WASL: variants seen among roughly 807,000 people sequenced by gnomAD.
WASL encodes WASP like actin nucleation promoting factor, also known as actin nucleation-promoting factor WASL.
Under a neutral mutation model 55.5 loss-of-function variants are expected in WASL, and 20 were observed. The ratio of observed to expected loss-of-function variants is 0.36; its 90% CI spans 0.25 to 0.52. The LOEUF is 0.52. Ranked by LOEUF, WASL falls within the 20% of genes least tolerant of loss-of-function variation. WASL has a pLI of 0.92. For synonymous variants in WASL, 249 were observed against 217.6 expected, an observed-to-expected ratio of 1.14 and a Z score of -1.27; for missense variants, 504 against 622.5, an observed-to-expected ratio of 0.81 and a Z score of 2.03.
chr7:123,698,757 G>A (rs1405420644), intron 5 of WASL, among the ~76,000 whole-genome samples: 3 of 152,074 alleles, frequency 2.0e-5, no homozygotes, highest in Admixed American at 6.5e-5. Context: ...AAGCAGTATC[G>A]AATGACCTGA....
At chr7:123,694,913 TA>T in intron 7 of WASL, 45 bp from the exon 8 acceptor site, 1 of 1,557,670 alleles carries the variant, frequency 6.4e-7, no homozygotes, top group African/African-American at 1.4e-5. Flanking sequence ...TATCCCAATT[TA>T]AAAAACATAA....
chr7:123,717,952 T>G (rs1001328996), intron 1 of WASL, among the ~76,000 whole-genome samples: 1 of 152,034 alleles, frequency 6.6e-6, no homozygotes, highest in Non-Finnish European at 1.5e-5. Flanking sequence ...TGGTCCATGG[T>G]TGGTACTCTG....
rs1803240067 is a variant in WASL, at chr7:123,683,753, A to T, written c.*766T>A. Reference sequence around the variant, plus strand: ...GAAACTCCAACTTAAATTTTGTTTCAGAGTAATACCAAAAAAATTTTCAAA... The same window carrying T: ...GAAACTCCAACTTAAATTTTGTTTCTGAGTAATACCAAAAAAATTTTCAAA... On this transcript the variant is annotated 3_prime_UTR_variant, in exon 11 of 11. Coordinates refer to ENST00000223023, the MANE Select transcript of WASL (RefSeq NM_003941.4). 6.6e-6 allele frequency: 1 copy of T among 151,990 alleles called. No homozygotes were observed. The highest frequency in any genetic ancestry group is 2.4e-5 in the African/African-American group (1 of 41,418). The allele number at this position is 151,990 out of a possible 1,614,324, so 9.4% of individuals were successfully genotyped here. A position where few individuals can be genotyped will look rare whatever the true frequency, so the allele number is the denominator to read the frequency against.
intron 1 of WASL, among the ~76,000 whole-genome samples, chr7:123,737,432 C>T (rs1253606562): frequency 6.6e-6 from 1 of 151,832 alleles, no homozygotes; most frequent in African/African-American, 2.4e-5. Flanking sequence ...CCCATCTCTA[C>T]TAAAAATACA....
intron 1 of WASL, among the ~76,000 whole-genome samples, chr7:123,742,156 A>G (rs964797354): frequency 2.6e-5 from 4 of 152,222 alleles, no homozygotes; most frequent in Admixed American, 2.6e-4. Flanking sequence ...TAATATCCAG[A>G]GCACAGCAAG....
Position 123,694,763 on chromosome 7 carries a change from C to G in WASL, c.778G>C (p.Glu260Gln). ...ETSKVIYDFI[E>Q]KTGGVEAVKN... The stretch of plus-strand genomic sequence containing the variant: ...ACAGCTTCAACACCTCCTGTTTTTT[C>G]AATAAAGTCATATATAACTTTTGAT... The change falls in exon 8 of 11, where the codon GAA (glutamate) becomes CAA (glutamine). Residue 260 changes from glutamate (E) to glutamine (Q), a missense_variant. Glu to Gln is a conservative substitution (Grantham distance 29). This residue lies in a region of WASL where 17 missense variants were observed against 58.4 expected (regional missense o/e 0.29). Coordinates refer to ENST00000223023, the MANE Select transcript of WASL (RefSeq NM_003941.4). The G allele has an allele frequency of 6.2e-7, 1 of 1,613,004 alleles. No individual in the cohort carries two copies. The highest frequency in any genetic ancestry group is 8.5e-7 in the Non-Finnish European group (1 of 1,179,500).
chr7:123,731,542 G>GACC (rs1303797981), intron 1 of WASL, among the ~76,000 whole-genome samples: 3 of 152,042 alleles, frequency 2.0e-5, no homozygotes, highest in African/African-American at 4.8e-5. Context: ...CACCAAGAGA[G>GACC]ACCACATTTT....
intron 1 of WASL, among the ~76,000 whole-genome samples, chr7:123,748,205 ATTG>A (rs1025443263): frequency 2.8e-4 from 42 of 152,146 alleles, no homozygotes; most frequent in African/African-American, 9.4e-4. Context: ...CAAACCTGGC[ATTG>A]TTAAGGAACG....
intron 4 of WASL, among the ~76,000 whole-genome samples, chr7:123,705,357 G>C (rs1368604220): frequency 6.6e-6 from 1 of 152,188 alleles, no homozygotes. Flanking sequence ...TCTGAGTGGG[G>C]CTAAGGTTCA....
Position 123,748,746 on chromosome 7 carries a change from C to T in WASL, c.-12G>A. On this transcript the variant is annotated 5_prime_UTR_variant, in exon 1 of 11. Coordinates refer to ENST00000223023, the MANE Select transcript of WASL (RefSeq NM_003941.4). ...TGGACGGAGCTCATGGTTTCGCCGG[C>T]GGGGTTGGGAGTCCAGGGCCGTCTC... The T allele has an allele frequency of 3.2e-6, 5 of 1,567,598 alleles. No individual in the cohort carries two copies. The highest frequency in any genetic ancestry group is 1.2e-5 in the South Asian group (1 of 86,760).
intron 1 of WASL, among the ~76,000 whole-genome samples, chr7:123,722,965 T>TG (rs1803977142): frequency 6.6e-6 from 1 of 152,198 alleles, no homozygotes; most frequent in Admixed American, 6.5e-5. Flanking sequence ...AATAGTGTTA[T>TG]GACTGAAAGC....
intron 5 of WASL, among the ~76,000 whole-genome samples, chr7:123,699,229 T>C (rs375189297): frequency 1.3e-5 from 2 of 151,924 alleles, no homozygotes; most frequent in Non-Finnish European, 2.9e-5. Flanking sequence ...AATACAAAAA[T>C]TAGCCGGGCG....
At chr7:123,735,676 T>C (rs747165207) in intron 1 of WASL, among the ~76,000 whole-genome samples, 2 of 152,094 alleles carry the variant, frequency 1.3e-5, no homozygotes, top group Non-Finnish European at 2.9e-5. Flanking sequence ...TATGGCAGAT[T>C]AGATATTGTA....
intron 1 of WASL, among the ~76,000 whole-genome samples, chr7:123,728,033 C>G (rs992702148): frequency 6.6e-6 from 1 of 152,136 alleles, no homozygotes; most frequent in Non-Finnish European, 1.5e-5. Context: ...GACAAGAAAG[C>G]TTAATTGTAA....
In WASL at chr7:123,716,693, G is replaced by C. The variant is rs147084456; in HGVS notation, c.118-7470C>G. On this transcript the variant is annotated intron_variant, in intron 1 of 10. Coordinates refer to ENST00000223023, the MANE Select transcript of WASL (RefSeq NM_003941.4). ...AGAGGGAGGCAGGAAGGAAGGGGGA[G>C]AGAAAGAGAGATTTTTGTTTTTTAA... Among the ~76,000 whole-genome samples, 373 of 152,100 alleles carry C rather than the reference G, an allele frequency of 2.5e-3. 3 individuals are homozygous for C. The highest frequency in any genetic ancestry group is 8.3e-3 in the African/African-American group (346 of 41,528).
chr7:123,712,323 T>TCA (rs1803771667), intron 1 of WASL, among the ~76,000 whole-genome samples: 1 of 152,214 alleles, frequency 6.6e-6, no homozygotes, highest in Non-Finnish European at 1.5e-5. Flanking sequence ...GCTTGTACTT[T>TCA]CACTCCACCT....
intron 5 of WASL, among the ~76,000 whole-genome samples, chr7:123,697,437 G>A (rs1195844673): frequency 2.0e-5 from 3 of 152,134 alleles, no homozygotes; most frequent in Non-Finnish European, 4.4e-5. Flanking sequence ...AAATGTAGCA[G>A]AAAACTTGTC....
At chr7:123,695,778 T>C in intron 7 of WASL, 45 bp downstream of exon 7, 1 of 1,585,318 alleles carries the variant, frequency 6.3e-7, no homozygotes, top group Non-Finnish European at 8.6e-7. Context: ...GGCCAACACA[T>C]TTCCACATAC....
chr7:123,688,347 A>G (rs1227430602), intron 10 of WASL, among the ~76,000 whole-genome samples: 1 of 151,828 alleles, frequency 6.6e-6, no homozygotes, highest in Non-Finnish European at 1.5e-5. Context: ...GGCCCGATTT[A>G]TTATTATTAT....
Sources: allele counts gnomAD v4.1 joint callset (sites outside exome capture counted in the v4.1 genomes callset), GRCh38; gene constraint gnomAD v4.1.1; regional missense constraint gnomAD v4.1.1; transcripts MANE v1.5; gene names NCBI Gene and HGNC (gene_info 2026-07-23, HGNC 2026-07-21).